MAGI2: variants seen among roughly 807,000 people sequenced by gnomAD.
MAGI2 encodes membrane associated guanylate kinase, WW and PDZ domain containing 2, also known as membrane-associated guanylate kinase, WW and PDZ domain-containing protein 2.
A neutral mutation model predicts 133.3 loss-of-function variants in MAGI2; 35 were observed. The observed-to-expected ratio is 0.26, with a 90% CI of 0.20 to 0.35. MAGI2 has a LOEUF of 0.35. MAGI2 is among the 10% of genes least tolerant of loss of function. The pLI, the probability that MAGI2 is intolerant of heterozygous loss-of-function variation, is 1.00. For synonymous variants in MAGI2, 729 were observed against 710.6 expected (o/e 1.03, Z -0.41); for missense variants, 1,636 against 1,863.4 (o/e 0.88, Z 2.25).
chr7:78,249,413 A>G (rs982623796), intron 10 of MAGI2, among the ~76,000 whole-genome samples: 1 of 152,112 alleles, frequency 6.6e-6, no homozygotes, highest in Non-Finnish European at 1.5e-5. Context: ...TCACTCCTAT[A>G]TTTATTGAAG....
intron 20 of MAGI2, among the ~76,000 whole-genome samples, chr7:78,081,612 C>A (rs1048495207): frequency 2.0e-5 from 3 of 152,102 alleles, no homozygotes; most frequent in South Asian, 4.1e-4. Context: ...GAGAGAGTAG[C>A]ATATGTAAAG....
intron 2 of MAGI2, among the ~76,000 whole-genome samples, chr7:78,911,054 TTTCTC>T (rs1309856642): frequency 4.6e-5 from 7 of 152,212 alleles, no homozygotes; most frequent in African/African-American, 1.4e-4. Flanking sequence ...TGACTTTACT[TTTCTC>T]TGCTTTTGCT....
intron 20 of MAGI2, among the ~76,000 whole-genome samples, chr7:78,106,400 C>T (rs573300800): frequency 3.9e-5 from 6 of 151,928 alleles, no homozygotes; most frequent in African/African-American, 1.5e-4. Flanking sequence ...TCATATAGTT[C>T]TACTTTTAGG....
chr7:78,663,571 A>G (rs893826422), intron 2 of MAGI2, among the ~76,000 whole-genome samples: 1 of 152,178 alleles, frequency 6.6e-6, no homozygotes, highest in African/African-American at 2.4e-5. Flanking sequence ...CTTGTAAGGC[A>G]TAACTGAGAT....
intron 1 of MAGI2, among the ~76,000 whole-genome samples, chr7:79,136,068 G>GGAAAGAAAGAAAGAAAGAAAGAAA (rs368094018): frequency 3.2e-5 from 3 of 94,606 alleles, no homozygotes; most frequent in Non-Finnish European, 4.1e-5. Flanking sequence ...AAAGAAAGAA[G>GGAAAGAAAGAAAGAAAGAAAGAAA]GAAAGAAAGA....
chr7:78,671,189 A>G (rs970629507), intron 2 of MAGI2, among the ~76,000 whole-genome samples: 15 of 152,084 alleles, frequency 9.9e-5, no homozygotes, highest in African/African-American at 3.1e-4. Context: ...TCAAATTTCC[A>G]TATTCAGAAA....
At chr7:78,982,586 T>C (rs1253117623) in intron 2 of MAGI2, among the ~76,000 whole-genome samples, 1 of 151,852 alleles carries the variant, frequency 6.6e-6, no homozygotes, top group Non-Finnish European at 1.5e-5. Context: ...CCTTTTGACA[T>C]GTAAGAAAGT....
intron 18 of MAGI2, 63 bp downstream of exon 18, chr7:78,132,826 A>G: frequency 1.9e-6 from 3 of 1,612,228 alleles, no homozygotes. Context: ...GCTGTCCCCA[A>G]ATACTCCCTC....
At chr7:78,895,861 A>T (rs1797175460) in intron 2 of MAGI2, among the ~76,000 whole-genome samples, 1 of 152,220 alleles carries the variant, frequency 6.6e-6, no homozygotes, top group Non-Finnish European at 1.5e-5. Context: ...AAATTATTTA[A>T]CTTAAACAAT....
intron 1 of MAGI2, among the ~76,000 whole-genome samples, chr7:79,140,586 G>A (rs964937377): frequency 2.0e-5 from 3 of 152,082 alleles, no homozygotes; most frequent in Admixed American, 1.3e-4. Context: ...CTGACCCCAC[G>A]ATTAATGATT....
At chr7:78,103,982 T>G (rs184467410) in intron 20 of MAGI2, among the ~76,000 whole-genome samples, 1 of 152,298 alleles carries the variant, frequency 6.6e-6, no homozygotes, top group African/African-American at 2.4e-5. Flanking sequence ...TCTCCATGAT[T>G]TGTGATATCT....
At chr7:78,263,718 A>C (rs1793733806) in intron 9 of MAGI2, among the ~76,000 whole-genome samples, 1 of 152,050 alleles carries the variant, frequency 6.6e-6, no homozygotes, top group Admixed American at 6.6e-5. Context: ...CTGTCAGCTC[A>C]TCTCCCATAC....
chr7:78,435,857 C>G (rs1800234268), intron 6 of MAGI2, among the ~76,000 whole-genome samples: 1 of 152,158 alleles, frequency 6.6e-6, no homozygotes, highest in South Asian at 2.1e-4. Context: ...CAGAGTTTTT[C>G]TGCTATCCCT....
chr7:78,927,384 T>A (rs1799789417), intron 2 of MAGI2, among the ~76,000 whole-genome samples: 1 of 152,038 alleles, frequency 6.6e-6, no homozygotes, highest in Non-Finnish European at 1.5e-5. Context: ...TAAGCACAGC[T>A]AAATTATGAA....
At chr7:78,840,777 G>C (rs1030952171) in intron 2 of MAGI2, among the ~76,000 whole-genome samples, 1 of 151,652 alleles carries the variant, frequency 6.6e-6, no homozygotes, top group Non-Finnish European at 1.5e-5. Context: ...TTAAATCTCA[G>C]CTTTAACATT....
chr7:79,040,070 T>C (rs558491116), intron 1 of MAGI2, among the ~76,000 whole-genome samples: 2 of 152,032 alleles, frequency 1.3e-5, no homozygotes, highest in Non-Finnish European at 2.9e-5. Context: ...TCTTGAATTG[T>C]AATCTTCGCA....
intron 2 of MAGI2, among the ~76,000 whole-genome samples, chr7:78,646,532 A>G (rs1335886323): frequency 6.6e-6 from 1 of 152,222 alleles, no homozygotes; most frequent in Admixed American, 6.5e-5. Context: ...AATGTTCACT[A>G]TTAAATACAA....
intron 3 of MAGI2, among the ~76,000 whole-genome samples, chr7:78,551,327 T>G (rs1309463645): frequency 6.6e-6 from 1 of 152,228 alleles, no homozygotes; most frequent in Non-Finnish European, 1.5e-5. Flanking sequence ...ATAGCAAGTT[T>G]ACACTGTTTT....
intron 6 of MAGI2, among the ~76,000 whole-genome samples, chr7:78,458,322 A>G (rs1789566819): frequency 1.3e-5 from 2 of 151,418 alleles, no homozygotes; most frequent in Non-Finnish European, 2.9e-5. Context: ...ATAAAAGAGT[A>G]AAATTGAATC....
Sources: gnomAD v4.1 joint callset for allele counts (sites outside exome capture counted in the v4.1 genomes callset) on GRCh38, gnomAD v4.1.1 for gene constraint, MANE v1.5 for transcripts, NCBI Gene and HGNC (gene_info 2026-07-23, HGNC 2026-07-21) for gene names.